XYLT1: variants seen among roughly 807,000 people sequenced by gnomAD.
The protein encoded by XYLT1 is beta-D-xylosyltransferase 1.
A neutral mutation model predicts 91.3 loss-of-function variants in XYLT1; 36 were observed. That is an observed-to-expected ratio of 0.39 (90% CI 0.30 to 0.52). The LOEUF (loss-of-function observed/expected upper bound fraction) is 0.52, where lower values mean the gene tolerates loss of function less well. XYLT1 is among the 20% of genes least tolerant of loss of function. The probability of loss-of-function intolerance (pLI) is 0.68; values close to 1 mark genes in which losing one functional copy is unlikely to be tolerated. For missense variants in XYLT1, 1,242 were observed against 1,284.5 expected (o/e 0.97, Z 0.51); for synonymous variants, 588 against 532.0 (o/e 1.11, Z -1.45).
chr16:17,253,254 T>G (rs2033571527), intron 3 of XYLT1, among the ~76,000 whole-genome samples: 1 of 152,188 alleles, frequency 6.6e-6, no homozygotes, highest in South Asian at 2.1e-4. Flanking sequence ...CACAGTAAAT[T>G]TATTGCAAAT....
intron 2 of XYLT1, among the ~76,000 whole-genome samples, chr16:17,335,730 T>G (rs1417089702): frequency 1.3e-5 from 2 of 152,162 alleles, no homozygotes; most frequent in Non-Finnish European, 2.9e-5. Context: ...TGAGTAACTT[T>G]TCCATTTTTT....
chr16:17,123,036 T>C (rs2030129955), intron 10 of XYLT1, among the ~76,000 whole-genome samples: 1 of 152,228 alleles, frequency 6.6e-6, no homozygotes, highest in Admixed American at 6.5e-5. Flanking sequence ...TTCTTTTTGC[T>C]TAGTCTTGTT....
At chr16:17,196,978 T>C (rs1301786036) in intron 5 of XYLT1, among the ~76,000 whole-genome samples, 2 of 144,968 alleles carry the variant, frequency 1.4e-5, no homozygotes, top group Non-Finnish European at 3.0e-5. Flanking sequence ...ACCACTGCAC[T>C]CCAGCCTGGG....
At chr16:17,467,101 T>C (rs748566003) in intron 1 of XYLT1, among the ~76,000 whole-genome samples, 33 of 152,304 alleles carry the variant, frequency 2.2e-4, no homozygotes, top group Middle Eastern at 6.8e-3. Flanking sequence ...AAAATCAACA[T>C]TTCAAAGGCG....
At chr16:17,232,200 A>G (rs941339274) in intron 3 of XYLT1, among the ~76,000 whole-genome samples, 2 of 141,914 alleles carry the variant, frequency 1.4e-5, no homozygotes, top group Non-Finnish European at 3.0e-5. Context: ...TATAAAATAT[A>G]TAATATATAT....
intron 5 of XYLT1, among the ~76,000 whole-genome samples, chr16:17,174,372 T>C (rs2031893673): frequency 6.6e-6 from 1 of 152,164 alleles, no homozygotes; most frequent in Admixed American, 6.5e-5. Flanking sequence ...AGCCCAAATG[T>C]CCATCACCTG....
chr16:17,302,140 T>C (rs2034404363), intron 2 of XYLT1, among the ~76,000 whole-genome samples: 1 of 152,022 alleles, frequency 6.6e-6, no homozygotes, highest in Non-Finnish European at 1.5e-5. Context: ...ACCAGGTGGA[T>C]GTTGCAGTGA....
chr16:17,303,639 A>C (rs1401384428), intron 2 of XYLT1, among the ~76,000 whole-genome samples: 1 of 152,176 alleles, frequency 6.6e-6, no homozygotes, highest in African/African-American at 2.4e-5. Flanking sequence ...ATCCTTTTAC[A>C]TTTTCATTAC....
At chr16:17,251,552 G>C (rs1596448819) in intron 3 of XYLT1, among the ~76,000 whole-genome samples, 1 of 152,176 alleles carries the variant, frequency 6.6e-6, no homozygotes, top group Admixed American at 6.5e-5. Flanking sequence ...CAGGAGCAAC[G>C]CAAGGAGCCA....
rs150500528 is a variant in XYLT1, at chr16:17,332,828, T to C, written c.402+25184A>G. On this transcript the variant is annotated intron_variant, in intron 2 of 11. Coordinates refer to ENST00000261381, the MANE Select transcript of XYLT1 (RefSeq NM_022166.4). The stretch of plus-strand genomic sequence containing the variant: ...ATCCAGTAGATACTCCATCATTCCA[T>C]TGTCACTCTTCCACCTGTCTGTCCG... 2.6e-4 allele frequency among the ~76,000 whole-genome samples: 40 copies of C among 152,216 alleles called. 1 individual carries two copies. Among genetic ancestry groups the C allele is most frequent in the Admixed American group, 2.4e-3 (37 of 15,282 alleles).
chr16:17,190,410 C>T (rs536178855), intron 5 of XYLT1, among the ~76,000 whole-genome samples: 2 of 152,024 alleles, frequency 1.3e-5, no homozygotes, highest in Admixed American at 6.5e-5. Flanking sequence ...TTGTCAATTA[C>T]ATTAGGTATA....
intron 1 of XYLT1, among the ~76,000 whole-genome samples, chr16:17,424,593 G>T (rs1355502066): frequency 6.6e-6 from 1 of 152,030 alleles, no homozygotes. Context: ...GGACACAGCC[G>T]GGTGCGGTGG....
chr16:17,330,313 C>T (rs1284351722), intron 2 of XYLT1, among the ~76,000 whole-genome samples: 1 of 152,216 alleles, frequency 6.6e-6, no homozygotes. Context: ...TCTACATCCA[C>T]TCAACCCCCA....
intron 5 of XYLT1, among the ~76,000 whole-genome samples, chr16:17,169,588 C>A (rs1567305839): frequency 6.6e-6 from 1 of 151,720 alleles, no homozygotes; most frequent in Non-Finnish European, 1.5e-5. Flanking sequence ...ACAATCAGCA[C>A]CCAGGGGCCA....
chr16:17,224,665 G>C (rs2033031370), intron 3 of XYLT1, among the ~76,000 whole-genome samples: 1 of 152,040 alleles, frequency 6.6e-6, no homozygotes, highest in African/African-American at 2.4e-5. Flanking sequence ...CTGCAAAAGG[G>C]GTATGCCAGA....
intron 2 of XYLT1, among the ~76,000 whole-genome samples, chr16:17,315,593 A>T (rs564272524): frequency 6.6e-6 from 1 of 152,324 alleles, no homozygotes; most frequent in East Asian, 1.9e-4. Flanking sequence ...GAAGTCAAAG[A>T]TAAGTCTATT....
intron 1 of XYLT1, among the ~76,000 whole-genome samples, chr16:17,362,598 A>T (rs2035399224): frequency 6.6e-6 from 1 of 152,244 alleles, no homozygotes; most frequent in Non-Finnish European, 1.5e-5. Flanking sequence ...GCTCAAGGCC[A>T]AAGGCTTAAT....
chr16:17,200,816 T>G (rs917006886), intron 3 of XYLT1, among the ~76,000 whole-genome samples, 162 bp from the exon 4 acceptor site: 2 of 152,212 alleles, frequency 1.3e-5, no homozygotes, highest in African/African-American at 4.8e-5. Context: ...CATCTTAGAT[T>G]CTCACACTGT....
chr16:17,323,353 G>T (rs967612275), intron 2 of XYLT1, among the ~76,000 whole-genome samples: 3 of 152,188 alleles, frequency 2.0e-5, no homozygotes, highest in African/African-American at 7.2e-5. Flanking sequence ...TGCGGTTTTT[G>T]GCATCTTCGC....
Sources: allele counts gnomAD v4.1 joint callset (sites outside exome capture counted in the v4.1 genomes callset), GRCh38; gene constraint gnomAD v4.1.1; transcripts MANE v1.5; gene names NCBI Gene and HGNC (gene_info 2026-07-23, HGNC 2026-07-21).